SEMA3A: variants seen among roughly 807,000 people sequenced by gnomAD.
SEMA3A encodes the protein semaphorin 3A.
SEMA3A carries 29 observed loss-of-function variants against 97.9 expected under a neutral mutation model. The ratio of observed to expected loss-of-function variants is 0.30; its 90% CI spans 0.22 to 0.40. The LOEUF is 0.40. SEMA3A is among the 10% of genes least tolerant of loss of function. SEMA3A has a pLI of 1.00. For synonymous variants in SEMA3A, 321 were observed against 323.7 expected (o/e 0.99, Z 0.09); for missense variants, 763 against 951.3 (o/e 0.80, Z 2.60).
chr7:84,210,694 G>A (rs1481084659), intron 3 of SEMA3A, among the ~76,000 whole-genome samples: 1 of 152,088 alleles, frequency 6.6e-6, no homozygotes, highest in Non-Finnish European at 1.5e-5. Context: ...AACAAACATG[G>A]AACTAGGAAG....
intron 1 of SEMA3A, among the ~76,000 whole-genome samples, chr7:84,380,068 T>C (rs1451535449): frequency 6.6e-6 from 1 of 152,210 alleles, no homozygotes; most frequent in African/African-American, 2.4e-5. Context: ...CGTGGCAGGT[T>C]TTGTGTGCAT....
At chr7:84,133,986 T>C (rs1012482572) in intron 2 of SEMA3A, among the ~76,000 whole-genome samples, 2 of 150,700 alleles carry the variant, frequency 1.3e-5, no homozygotes, top group Non-Finnish European at 2.9e-5. Context: ...GGCGTGAACC[T>C]GGGAGGCAGA....
At chr7:84,094,741 C>A (rs902913415) in intron 4 of SEMA3A, among the ~76,000 whole-genome samples, 1 of 152,062 alleles carries the variant, frequency 6.6e-6, no homozygotes, top group Non-Finnish European at 1.5e-5. Flanking sequence ...AACTCACAAA[C>A]CTGAAAGTAC....
At chr7:84,203,519 TA>T (rs1297917256) in intron 3 of SEMA3A, among the ~76,000 whole-genome samples, 5 of 60,494 alleles carry the variant, frequency 8.3e-5, no homozygotes, top group African/African-American at 1.9e-4. Flanking sequence ...TATATATATA[TA>T]TATATATTTT....
rs145930366 is a variant in SEMA3A at position 84,048,873 on chromosome 7, G to A, written c.548-2430C>T. Among the ~76,000 whole-genome samples, 914 of 151,988 alleles carry A rather than the reference G, an allele frequency of 6.0e-3. 9 individuals are homozygous for A. Among genetic ancestry groups the A allele is most frequent in the Non-Finnish European group, 7.4e-3 (501 of 67,930 alleles). On this transcript the variant is annotated intron_variant, in intron 5 of 16. Transcript: ENST00000265362. ...ATTATATTTAAAGTCTATTCAAGAG[G>A]CAGCTGAAATAGTAAAATCAACAAC...
At chr7:84,238,946 A>T (rs1584156044) in intron 3 of SEMA3A, among the ~76,000 whole-genome samples, 1 of 152,020 alleles carries the variant, frequency 6.6e-6, no homozygotes, top group African/African-American at 2.4e-5. Context: ...CCAACTCCTG[A>T]CCTCAGGCAA....
chr7:84,059,874 G>A (rs2189848), intron 5 of SEMA3A, among the ~76,000 whole-genome samples: 150,547 of 152,202 alleles, frequency 0.99, 74,461 homozygotes, highest in East Asian at 1. Context: ...ACTCCAGTCC[G>A]GAGGTAGTTA....
chr7:84,136,960 A>AGGAAGGAAG (rs376783412), intron 1 of SEMA3A, among the ~76,000 whole-genome samples: 43 of 141,212 alleles, frequency 3.0e-4, no homozygotes, highest in East Asian at 1.7e-3. Flanking sequence ...GAGGGAGGGA[A>AGGAAGGAAG]GAAGGAAGGA....
chr7:84,331,188 G>A (rs371988439), intron 2 of SEMA3A, among the ~76,000 whole-genome samples: 3 of 152,096 alleles, frequency 2.0e-5, no homozygotes, highest in South Asian at 2.1e-4. Context: ...ACAAAAATAC[G>A]TCAAGAACTT....
Position 84,400,232 on chromosome 7 carries a change from A to T in SEMA3A, c.-245-28332T>A, listed in dbSNP as rs145921038. ...AATAGTCTTCAATGCCCAGACATCA[A>T]TGAATGTCCACAAGCATCAAGGACG... On this transcript the variant is annotated intron_variant, in intron 1 of 3. Transcript: ENST00000424555. Among the ~76,000 whole-genome samples, 134 of 152,296 alleles carry T rather than the reference A, an allele frequency of 8.8e-4. 2 individuals carry two copies. The East Asian group carries it at 0.024, about 27-fold the overall frequency.
intron 2 of SEMA3A, among the ~76,000 whole-genome samples, chr7:84,314,010 T>C (rs558325840): frequency 9.9e-5 from 15 of 152,094 alleles, no homozygotes; most frequent in Admixed American, 7.2e-4. Flanking sequence ...GCTCATTGAA[T>C]GAGTTTATGA....
intron 14 of SEMA3A, among the ~76,000 whole-genome samples, chr7:83,978,334 G>A (rs530564797): frequency 6.6e-6 from 1 of 152,312 alleles, no homozygotes; most frequent in Non-Finnish European, 1.5e-5. Context: ...CAGATCACAT[G>A]TGAGCTGCAG....
chr7:84,316,605 G>A (rs556047988), intron 2 of SEMA3A, among the ~76,000 whole-genome samples: 14 of 152,078 alleles, frequency 9.2e-5, no homozygotes, highest in Non-Finnish European at 1.6e-4. Context: ...AGAGTAGATA[G>A]AGATAGAAAG....
intron 6 of SEMA3A, among the ~76,000 whole-genome samples, chr7:84,032,420 C>T (rs1791794626): frequency 6.6e-6 from 1 of 152,094 alleles, no homozygotes; most frequent in Admixed American, 6.5e-5. Flanking sequence ...AAAAAATGTT[C>T]TCAAAAACAC....
intron 1 of SEMA3A, among the ~76,000 whole-genome samples, chr7:84,477,178 C>A (rs1336351103): frequency 6.6e-6 from 1 of 150,522 alleles, no homozygotes; most frequent in Non-Finnish European, 1.5e-5. Context: ...GTGGCTCACA[C>A]CTGTAATCCC....
intron 1 of SEMA3A, among the ~76,000 whole-genome samples, chr7:84,180,437 C>T (rs997754125): frequency 6.6e-6 from 1 of 152,000 alleles, no homozygotes; most frequent in Non-Finnish European, 1.5e-5. Context: ...CCAGTAATCC[C>T]AGCACTTTGG....
At chr7:84,048,898 C>T (rs1341823906) in intron 5 of SEMA3A, among the ~76,000 whole-genome samples, 1 of 151,928 alleles carries the variant, frequency 6.6e-6, no homozygotes, top group Non-Finnish European at 1.5e-5. Flanking sequence ...AAATCAACAA[C>T]TAAAAACTAT....
intron 1 of SEMA3A, among the ~76,000 whole-genome samples, chr7:84,474,496 G>A (rs1806229906): frequency 6.6e-6 from 1 of 151,888 alleles, no homozygotes. Flanking sequence ...AATACTTAAT[G>A]ACTACTCCTC....
intron 5 of SEMA3A, among the ~76,000 whole-genome samples, chr7:84,051,845 G>T (rs1792671238): frequency 1.3e-5 from 2 of 151,318 alleles, no homozygotes; most frequent in African/African-American, 4.8e-5. Flanking sequence ...TTGGCTGTGG[G>T]TTTGTCATAG....
Sources: allele counts gnomAD v4.1 joint callset (sites outside exome capture counted in the v4.1 genomes callset), GRCh38; gene constraint gnomAD v4.1.1; transcripts MANE v1.5; gene names NCBI Gene and HGNC (gene_info 2026-07-23, HGNC 2026-07-21).